The following RYR2 variants were observed in gnomAD, a reference collection of about 807,000 sequenced individuals.
RYR2 encodes the protein cardiac muscle ryanodine receptor-calcium release channel.
In RYR2, 227 loss-of-function variants were observed where a neutral mutation model predicts 601.1. That is an observed-to-expected ratio of 0.38 (90% CI 0.34 to 0.42). RYR2 has a LOEUF of 0.42. Among genes scored for constraint, RYR2 ranks in the 10% least tolerant of loss-of-function variants. The pLI is 1.00. For missense variants in RYR2, 4,646 were observed against 6,156.5 expected, an observed-to-expected ratio of 0.75 and a Z score of 8.21; for synonymous variants, 2,223 against 2,175.1, an observed-to-expected ratio of 1.02 and a Z score of -0.61.
intron 97 of RYR2, among the ~76,000 whole-genome samples, chr1:237,798,801 C>CACACACACACACACACACACACAT (rs3835529): frequency 9.2e-4 from 136 of 148,390 alleles, no homozygotes; most frequent in African/African-American, 3.3e-3. Context: ...CACACACACA[C>CACACACACACACACACACACACAT]ATATAGTGTG....
At chr1:237,374,838 C>A in intron 7 of RYR2, 43 bp downstream of exon 7, 2 of 1,498,974 alleles carry the variant, frequency 1.3e-6, no homozygotes, top group South Asian at 1.2e-5. Context: ...AGAGAGAACC[C>A]TGCAGGGGTT....
chr1:237,383,417 G>GTTTTTTTTTTTTTTTT (rs10567644), intron 8 of RYR2, among the ~76,000 whole-genome samples: 3 of 50,560 alleles, frequency 5.9e-5, no homozygotes, highest in Non-Finnish European at 7.5e-5. Context: ...CTTTTTTCTT[G>GTTTTTTTTTTTTTTTT]TTTTTTTTTT....
At chr1:237,733,188 G>A (rs544235496) in intron 78 of RYR2, among the ~76,000 whole-genome samples, 16 of 152,234 alleles carry the variant, frequency 1.1e-4, no homozygotes, top group African/African-American at 3.9e-4. Context: ...TATATTTTTG[G>A]TGGAAACTTT....
intron 2 of RYR2, among the ~76,000 whole-genome samples, chr1:237,279,110 T>C (rs1034061912): frequency 3.9e-5 from 6 of 152,234 alleles, no homozygotes; most frequent in African/African-American, 1.4e-4. Context: ...TGGATCAGAC[T>C]AGTTTGAGTT....
intron 1 of RYR2, among the ~76,000 whole-genome samples, chr1:237,207,363 T>G (rs1681934953): frequency 6.6e-6 from 1 of 152,144 alleles, no homozygotes; most frequent in Non-Finnish European, 1.5e-5. Context: ...GGCAGGAGTT[T>G]GAGACCAGCC....
chr1:237,148,520 AAAAAAAAATAT>A lies in RYR2; in HGVS notation c.48+105953_48+105963del, dbSNP rs1185056684. Among the ~76,000 whole-genome samples the A allele has an allele frequency of 7.6e-3, 310 of 40,930 alleles. 6 individuals carry two copies. The highest frequency in any genetic ancestry group is 0.026 in the African/African-American group (300 of 11,550). 26.9% of individuals were successfully genotyped at this position (40,930 alleles called of 152,430 possible). A position where few individuals can be genotyped will look rare whatever the true frequency, so the allele number is the denominator to read the frequency against. On this transcript the variant is annotated intron_variant, in intron 1 of 104. Transcript: ENST00000366574. ...ATGTATCCCAGAACTTCAAGTAAAA[AAAAAAAAATAT>A]ATATATATATATATATATATATACA...
At chr1:237,226,373 G>A in intron 1 of RYR2, among the ~76,000 whole-genome samples, 1 of 152,164 alleles carries the variant, frequency 6.6e-6, no homozygotes, top group East Asian at 1.9e-4. Context: ...ACTTGTCAGT[G>A]GCGTGGCGTA....
intron 1 of RYR2, among the ~76,000 whole-genome samples, chr1:237,064,408 G>T (rs1663269281): frequency 6.6e-6 from 1 of 151,920 alleles, no homozygotes. Context: ...ATTTATTATT[G>T]TAATAAATAA....
At chr1:237,333,890 C>T (rs1362726103) in intron 3 of RYR2, among the ~76,000 whole-genome samples, 2 of 152,176 alleles carry the variant, frequency 1.3e-5, no homozygotes, top group Non-Finnish European at 2.9e-5. Flanking sequence ...TCTTTCCTTT[C>T]AGATGAACAG....
At chr1:237,778,146 A>G (rs1694809205) in intron 87 of RYR2, among the ~76,000 whole-genome samples, 1 of 152,188 alleles carries the variant, frequency 6.6e-6, no homozygotes, top group South Asian at 2.1e-4. Context: ...TACTCTTTTA[A>G]AACACGTCAT....
At chr1:237,170,615 A>G (rs1160175622) in intron 1 of RYR2, among the ~76,000 whole-genome samples, 1 of 152,212 alleles carries the variant, frequency 6.6e-6, no homozygotes, top group East Asian at 1.9e-4. Context: ...CTTTGCAATA[A>G]ATATTTGTTA....
At chr1:237,355,444 G>T (rs1285987525) in intron 3 of RYR2, among the ~76,000 whole-genome samples, 2 of 152,050 alleles carry the variant, frequency 1.3e-5, no homozygotes, top group Admixed American at 6.6e-5. Flanking sequence ...AAAATAATTT[G>T]ATTCCCACAT....
intron 19 of RYR2, among the ~76,000 whole-genome samples, chr1:237,495,024 T>C (rs191256563): frequency 9.9e-5 from 15 of 152,076 alleles, no homozygotes; most frequent in Non-Finnish European, 1.6e-4. Flanking sequence ...CTCCTGACCT[T>C]GTGATCCGCC....
chr1:237,601,546 TC>T (rs1291287313), intron 34 of RYR2, among the ~76,000 whole-genome samples: 2 of 152,196 alleles, frequency 1.3e-5, no homozygotes, highest in Non-Finnish European at 2.9e-5. Context: ...TAGTCAACCA[TC>T]AGGTATTGTA....
At chr1:237,753,073 A>C (rs771109445) in intron 80 of RYR2, among the ~76,000 whole-genome samples, 1 of 152,228 alleles carries the variant, frequency 6.6e-6, no homozygotes, top group African/African-American at 2.4e-5. Flanking sequence ...TCAGTCGCTC[A>C]GGTTCTGCCC....
chr1:237,454,626 G>A (rs1028507121), intron 15 of RYR2, 52 bp downstream of exon 15: 3 of 1,572,346 alleles, frequency 1.9e-6, no homozygotes, highest in Non-Finnish European at 2.6e-6. Flanking sequence ...TGTAAAAACA[G>A]CTTCTTGGTT....
chr1:237,710,012 C>A (rs1156692555), intron 70 of RYR2, among the ~76,000 whole-genome samples: 1 of 152,232 alleles, frequency 6.6e-6, no homozygotes, highest in Non-Finnish European at 1.5e-5. Context: ...GTTTGGCTCA[C>A]ATTTTAGAAT....
At chr1:237,285,355 T>C (rs1264501553) in intron 2 of RYR2, among the ~76,000 whole-genome samples, 2 of 152,212 alleles carry the variant, frequency 1.3e-5, no homozygotes, top group Non-Finnish European at 2.9e-5. Flanking sequence ...TATTAAACCA[T>C]CCCTGCATCC....
intron 16 of RYR2, among the ~76,000 whole-genome samples, chr1:237,458,875 G>A (rs1411920303): frequency 6.6e-6 from 1 of 152,118 alleles, no homozygotes; most frequent in African/African-American, 2.4e-5. Context: ...AAACTCTTGT[G>A]CCTATTAGAA....
Sources: gnomAD v4.1 joint callset for allele counts (sites outside exome capture counted in the v4.1 genomes callset) on GRCh38, gnomAD v4.1.1 for gene constraint, MANE v1.5 for transcripts, NCBI Gene and HGNC (gene_info 2026-07-23, HGNC 2026-07-21) for gene names.